The following CCP110 variants were observed in gnomAD, a reference collection of about 807,000 sequenced individuals.
The protein encoded by CCP110 is centriolar coiled-coil protein of 110 kDa.
In CCP110, 43 loss-of-function variants were observed where a neutral mutation model predicts 105.5. That is an observed-to-expected ratio of 0.41 (90% CI 0.32 to 0.53). The LOEUF is 0.53. Among genes scored for constraint, CCP110 ranks in the 20% least tolerant of loss-of-function variants. The pLI is 0.32. For synonymous variants in CCP110, 353 were observed against 392.1 expected (o/e 0.90, Z 1.18); for missense variants, 1,016 against 1,189.1 (o/e 0.85, Z 2.14).
chr16:19,531,887 A>G (rs1262604670), intron 2 of CCP110, among the ~76,000 whole-genome samples: 1 of 150,514 alleles, frequency 6.6e-6, no homozygotes, highest in Non-Finnish European at 1.5e-5. Context: ...AATCGCTTGA[A>G]CCCAGGAGGC....
Position 19,550,835 on chromosome 16 carries a change from C to T in CCP110, c.2987-361C>T, listed in dbSNP as rs1970613889. Reference sequence around the variant, plus strand: ...TGACTTACGGTTTTAAAACACATTTCTTCATTTGATGTTTTGTGCTTGACT... The same window carrying T: ...TGACTTACGGTTTTAAAACACATTTTTTCATTTGATGTTTTGTGCTTGACT... On this transcript the variant is annotated intron_variant, in intron 14 of 14. Coordinates refer to ENST00000381396, the Ensembl canonical transcript of CCP110. 3.3e-5 allele frequency among the ~76,000 whole-genome samples: 5 copies of T among 152,160 alleles called. No homozygotes were observed. In the South Asian group the frequency reaches 1.0e-3, roughly 32 times the overall value.
Position 19,528,763 on chromosome 16 carries a change from G to C in CCP110, c.141+741G>C, listed in dbSNP as rs1231525517. ...CATGTTAAAAAATTAGCCTGGCGCA[G>C]TGACATGTGCCTGTAGTCCCAGCTC... On this transcript the variant is annotated intron_variant, in intron 2 of 14. Transcript: ENST00000381396. Among the ~76,000 whole-genome samples, 3 of 152,194 alleles carry C rather than the reference G, an allele frequency of 2.0e-5. No homozygotes were observed. The East Asian group carries it at 5.8e-4, about 29-fold the overall frequency.
intron 3 of CCP110, among the ~76,000 whole-genome samples, chr16:19,534,761 A>G (rs949821497): frequency 6.6e-6 from 1 of 151,896 alleles, no homozygotes; most frequent in African/African-American, 2.4e-5. Context: ...ATTGCATAGT[A>G]CCTGGAAACC....
intron 11 of CCP110, 186 bp from the exon 12 acceptor site, chr16:19,546,226 A>G: frequency 1.9e-6 from 1 of 522,834 alleles, no homozygotes. Flanking sequence ...TGGGAAAAAT[A>G]TCTTAATAAC....
chr16:19,551,149 A>G (rs752573696), intron 14 of CCP110, 47 bp from the exon 14 acceptor site: 5 of 1,125,068 alleles, frequency 4.4e-6, no homozygotes, highest in Non-Finnish European at 6.8e-6. Flanking sequence ...GTATCATTAT[A>G]GAAAACCTCC....
intron 1 of CCP110, chr16:19,524,939 A>G (rs1172506073): frequency 6.6e-6 from 1 of 152,172 alleles, no homozygotes. Flanking sequence ...ATTGCCCTAC[A>G]TGCATTAGCT....
At chr16:19,536,758 A>G in exon 4 of CCP110, 1 of 1,614,204 alleles carries the variant, frequency 6.2e-7, no homozygotes, top group Non-Finnish European at 8.5e-7. Context: ...CATATGCCAA[A>G]TTACCTAGTC....
intron 5 of CCP110, 26 bp downstream of exon 5, chr16:19,540,813 C>T: frequency 6.2e-7 from 1 of 1,600,534 alleles, no homozygotes; most frequent in Non-Finnish European, 8.5e-7. Flanking sequence ...GGAGATACAA[C>T]TGGTAAGTGA....
chr16:19,530,496 A>G (rs1969826173), intron 2 of CCP110, among the ~76,000 whole-genome samples: 1 of 151,384 alleles, frequency 6.6e-6, no homozygotes, highest in Non-Finnish European at 1.5e-5. Flanking sequence ...AAATACAAAA[A>G]TTAGCTGGGC....
intron 14 of CCP110, among the ~76,000 whole-genome samples, chr16:19,550,029 A>C (rs1970583536): frequency 6.6e-6 from 1 of 152,212 alleles, no homozygotes; most frequent in African/African-American, 2.4e-5. Context: ...TATTAATACA[A>C]ATGAACTTAA....
At chr16:19,539,515 G>C (rs1359243488) in intron 4 of CCP110, among the ~76,000 whole-genome samples, 2 of 151,030 alleles carry the variant, frequency 1.3e-5, no homozygotes, top group Non-Finnish European at 3.0e-5. Flanking sequence ...GCGCCACCAC[G>C]CCCAGCTGTT....
intron 14 of CCP110, among the ~76,000 whole-genome samples, 199 bp from the exon 14 acceptor site, chr16:19,550,997 A>G (rs1448187728): frequency 1.3e-5 from 2 of 152,212 alleles, no homozygotes; most frequent in Admixed American, 1.3e-4. Context: ...TTCCTTAGGC[A>G]ACTGCTCTCC....
chr16:19,543,055 C>A lies in CCP110; in HGVS notation c.2484+61C>A, dbSNP rs1047236678. ...GTCTTAGTTTCTATCAGTCTTGTGA[C>A]AGCTGAGCTAACAGATTAGTTCAGA... On this transcript the variant is annotated intron_variant, in intron 8 of 14. Transcript: ENST00000381396. 7.6e-6 allele frequency: 7 copies of A among 926,570 alleles called. No individual in the cohort carries two copies. The Admixed American group carries it at 1.1e-4, about 15-fold the overall frequency. 57.4% of individuals were successfully genotyped at this position (926,570 alleles called of 1,614,324 possible). A position where few individuals can be genotyped will look rare whatever the true frequency, so the allele number is the denominator to read the frequency against.
intron 3 of CCP110, 75 bp downstream of exon 3, chr16:19,532,619 T>C: frequency 2.5e-6 from 3 of 1,208,546 alleles, no homozygotes; most frequent in Non-Finnish European, 3.5e-6. Flanking sequence ...TTCTGAAATA[T>C]ATTTGCACTT....
chr16:19,536,108 C>T, exon 4 of CCP110: 1 of 1,613,890 alleles, frequency 6.2e-7, no homozygotes. Context: ...TGGGATTTTG[C>T]CATTGGATAA....
intron 14 of CCP110, among the ~76,000 whole-genome samples, chr16:19,549,186 C>T (rs540953571): frequency 1.3e-5 from 2 of 152,320 alleles, no homozygotes; most frequent in South Asian, 2.1e-4. Flanking sequence ...ATTCAAAGCT[C>T]TTAACCAAAT....
At position 19,548,267 on chromosome 16, in the gene CCP110, G is replaced by A. The variant is rs1970526443; in HGVS notation, c.2901-248G>A. On this transcript the variant is annotated intron_variant, in intron 13 of 14. Coordinates refer to ENST00000381396, the Ensembl canonical transcript of CCP110. This position sits in a 1 kb window ranked among gnomAD's most constrained non-coding sequence, Gnocchi z 4.1. ...CATTTCATACCATTTTACTCATAAAGTATTTTAAATATCCATATAGTAAAT... is the reference window on the plus strand; with the variant it reads ...CATTTCATACCATTTTACTCATAAAATATTTTAAATATCCATATAGTAAAT... 1 of 574,926 alleles carries A rather than the reference G, an allele frequency of 1.7e-6. No individual in the cohort carries two copies. The highest frequency in any genetic ancestry group is 2.4e-5 in the South Asian group (1 of 42,532). The allele number at this position is 574,926 out of a possible 1,614,324, so 35.6% of individuals were successfully genotyped here.
At chr16:19,544,193 A>T (rs1295367664) in intron 8 of CCP110, among the ~76,000 whole-genome samples, 1 of 152,180 alleles carries the variant, frequency 6.6e-6, no homozygotes, top group Non-Finnish European at 1.5e-5. Context: ...GACACTTATG[A>T]AAAATAGAAA....
At chr16:19,550,412 C>T (rs112780361) in intron 14 of CCP110, among the ~76,000 whole-genome samples, 95 of 152,314 alleles carry the variant, frequency 6.2e-4, no homozygotes, top group African/African-American at 2.1e-3. Flanking sequence ...CTCGGCTTCC[C>T]AGAGCTCTGG....
Sources: allele counts gnomAD v4.1 joint callset (sites outside exome capture counted in the v4.1 genomes callset), GRCh38; gene constraint gnomAD v4.1.1; non-coding constraint Gnocchi (gnomAD v3.1); transcripts MANE v1.5; gene names NCBI Gene and HGNC (gene_info 2026-07-23, HGNC 2026-07-21).